TARS3: variants seen among roughly 807,000 people sequenced by gnomAD.
The protein encoded by TARS3 is threonine--tRNA ligase 2, cytoplasmic.
A neutral mutation model predicts 103.5 loss-of-function variants in TARS3; 94 were observed. That is an observed-to-expected ratio of 0.91 (90% CI 0.77 to 1.08). The LOEUF is 1.08. Ranked by LOEUF, TARS3 falls within the 50% of genes least tolerant of loss-of-function variation. TARS3 has a pLI of 0.00. For synonymous variants in TARS3, 416 were observed against 355.4 expected, an observed-to-expected ratio of 1.17 and a Z score of -1.92; for missense variants, 952 against 995.2, an observed-to-expected ratio of 0.96 and a Z score of 0.58.
At chr15:101,682,968 T>C (rs1898313825) in intron 12 of TARS3, among the ~76,000 whole-genome samples, 1 of 152,222 alleles carries the variant, frequency 6.6e-6, no homozygotes, top group African/African-American at 2.4e-5. Flanking sequence ...ACAGAATCTG[T>C]AGTGATGACA....
In TARS3 at chr15:101,671,679, C is replaced by G. The variant is rs1952438223; in HGVS notation, c.1858G>C (p.Gly620Arg). The G allele has an allele frequency of 6.2e-7, 1 of 1,613,926 alleles. No homozygotes were observed. The highest frequency in any genetic ancestry group is 1.7e-5 in the Admixed American group (1 of 59,992). The change falls in exon 14 of 19, where the codon GGC becomes CGC. Residue 620 changes from glycine (G) to arginine (R), a missense_variant. Gly to Arg is a moderately radical substitution (Grantham distance 125, BLOSUM62 -2). Coordinates refer to ENST00000335968, the MANE Select transcript of TARS3 (RefSeq NM_152334.3). ...KMNPGDGAFY[G>R]PKIDIKIKDA... ...GCATGTGGTCGACTCACTTTAGGGC[C>G]ATAAAATGCTCCATCTCCTGGGTTC...
At chr15:101,657,588 C>CA (rs1258063894) in intron 17 of TARS3, among the ~76,000 whole-genome samples, 197 bp downstream of exon 17, 1 of 152,160 alleles carries the variant, frequency 6.6e-6, no homozygotes, top group African/African-American at 2.4e-5. Flanking sequence ...ACTAATTTCT[C>CA]AAAAAACATT....
At chr15:101,694,890 G>C (rs1032013471) in intron 10 of TARS3, among the ~76,000 whole-genome samples, 4 of 152,138 alleles carry the variant, frequency 2.6e-5, no homozygotes, top group African/African-American at 7.2e-5. Flanking sequence ...CCAGAGGCTG[G>C]GGGAGGCAGG....
Position 101,653,641 on chromosome 15 carries a change from TC to T in TARS3, c.*940del, listed in dbSNP as rs2141374317. ...TTTGCCAACTGTTTCACTGTTCACA[TC>T]CCTCAGGAAGTTAACTAAATGATCA... On this transcript the variant is annotated 3_prime_UTR_variant, in exon 19 of 19. Transcript: ENST00000335968. 6.6e-6 allele frequency: 1 copy of T among 152,372 alleles called. No homozygotes were observed. Among genetic ancestry groups the T allele is most frequent in the African/African-American group, 2.4e-5 (1 of 41,596 alleles). The allele number at this position is 152,372 out of a possible 1,614,324, so 9.4% of individuals were successfully genotyped here. A position where few individuals can be genotyped will look rare whatever the true frequency, so the allele number is the denominator to read the frequency against.
At chr15:101,685,782 T>C (rs1596304463) in intron 11 of TARS3, 114 bp downstream of exon 11, 1 of 792,438 alleles carries the variant, frequency 1.3e-6, no homozygotes, top group African/African-American at 1.8e-5. Flanking sequence ...AAATTAGTAA[T>C]CACCACTCTT....
intron 10 of TARS3, among the ~76,000 whole-genome samples, chr15:101,688,939 T>C (rs565334334): frequency 1.3e-4 from 20 of 152,318 alleles, no homozygotes; most frequent in African/African-American, 4.3e-4. Context: ...GTCCTATGTC[T>C]GTGGCTTTTT....
intron 16 of TARS3, 46 bp from the exon 17 acceptor site, chr15:101,657,903 C>CTA: frequency 8.8e-7 from 1 of 1,140,502 alleles, no homozygotes; most frequent in South Asian, 1.5e-5. Flanking sequence ...GTAATAATGG[C>CTA]TACTTATTAC....
chr15:101,684,471 CTCCCCTTA>C (rs1392724344), intron 11 of TARS3, among the ~76,000 whole-genome samples: 2 of 152,142 alleles, frequency 1.3e-5, no homozygotes, highest in Non-Finnish European at 2.9e-5. Context: ...ATGCTGTTCC[CTCCCCTTA>C]TCCACACAGT....
chr15:101,661,578 TC>T, intron 16 of TARS3, 133 bp downstream of exon 16: 6 of 558,744 alleles, frequency 1.1e-5, no homozygotes, highest in Non-Finnish European at 1.8e-5. Flanking sequence ...AAAGGCCCTT[TC>T]TTTTGTTACT....
At chr15:101,674,206 A>T (rs913799990) in intron 13 of TARS3, among the ~76,000 whole-genome samples, 1 of 152,168 alleles carries the variant, frequency 6.6e-6, no homozygotes, top group Non-Finnish European at 1.5e-5. Context: ...CAAATCAACT[A>T]TGCAGTATCA....
chr15:101,661,990 C>G (rs1567322748), intron 15 of TARS3, among the ~76,000 whole-genome samples, 174 bp from the exon 16 acceptor site: 2 of 151,932 alleles, frequency 1.3e-5, no homozygotes, highest in Middle Eastern at 3.4e-3. Context: ...AATCTTTTTT[C>G]TTTTATTTTA....
intron 3 of TARS3, among the ~76,000 whole-genome samples, chr15:101,718,299 C>T (rs988854813): frequency 1.4e-5 from 2 of 146,786 alleles, no homozygotes; most frequent in Admixed American, 6.9e-5. Flanking sequence ...AACCGGAGGG[C>T]GGAGGTTGTG....
chr15:101,673,279 T>C (rs1321807256), intron 13 of TARS3, among the ~76,000 whole-genome samples: 1 of 152,132 alleles, frequency 6.6e-6, no homozygotes, highest in African/African-American at 2.4e-5. Context: ...TTCCAGCCTA[T>C]TCTCCCCATG....
chr15:101,722,328 T>C lies in TARS3; in HGVS notation c.369+765A>G, dbSNP rs949857403. 4.0e-5 allele frequency among the ~76,000 whole-genome samples: 6 copies of C among 151,776 alleles called. No individual in the cohort carries two copies. In the East Asian group the frequency reaches 1.2e-3, roughly 29 times the overall value. On this transcript the variant is annotated intron_variant, in intron 2 of 18. Coordinates refer to ENST00000335968, the MANE Select transcript of TARS3 (RefSeq NM_152334.3). ...AGTCACACATTACAGCACTTACTTG[T>C]ATACCATCGTACTCTGTTCTCTAGT...
In TARS3 at chr15:101,701,127, TG is replaced by T. The variant is rs748245886; in HGVS notation, c.1278del (p.Arg427GlufsTer64). 1.7e-5 allele frequency: 27 copies of T among 1,598,442 alleles called. No individual in the cohort carries two copies. The highest frequency in any genetic ancestry group is 2.1e-5 in the Non-Finnish European group (25 of 1,175,598). ...AGCGTATTATAAATGAAGGCTCCTC[TG>T]GGAAGGAAAAAACAGCTTCCAGGAC... The part of the protein sequence containing the change: ...DLSPGSCFFL[P>X]RGAFIYNTLT... On this transcript the variant is annotated frameshift_variant, in exon 10 of 19. Coordinates refer to ENST00000335968, the MANE Select transcript of TARS3 (RefSeq NM_152334.3). LOFTEE classifies it high-confidence loss of function.
At chr15:101,676,632 G>C (rs910690082) in intron 12 of TARS3, among the ~76,000 whole-genome samples, 1 of 151,834 alleles carries the variant, frequency 6.6e-6, no homozygotes, top group Non-Finnish European at 1.5e-5. Flanking sequence ...CCGAGTAGCT[G>C]GAACTACAGG....
At chr15:101,686,162 C>T in intron 10 of TARS3, 100 bp from the exon 11 acceptor site, 4 of 1,102,002 alleles carry the variant, frequency 3.6e-6, no homozygotes, top group Non-Finnish European at 2.6e-6. Flanking sequence ...GGGCTCATGT[C>T]CTATATTAAT....
At chr15:101,723,303 T>C in intron 1 of TARS3, 139 bp from the exon 2 acceptor site, 1 of 682,612 alleles carries the variant, frequency 1.5e-6, no homozygotes, top group South Asian at 1.7e-5. Context: ...CAGCTACAGC[T>C]CTCAGTGGGC....
At chr15:101,699,410 G>A in intron 10 of TARS3, 1 of 455,904 alleles carries the variant, frequency 2.2e-6, no homozygotes, top group South Asian at 1.5e-5. Context: ...CCCTGCTCCT[G>A]TTCATCAGCC....
Sources: allele counts gnomAD v4.1 joint callset (sites outside exome capture counted in the v4.1 genomes callset), GRCh38; gene constraint gnomAD v4.1.1; transcripts MANE v1.5; gene names NCBI Gene and HGNC (gene_info 2026-07-23, HGNC 2026-07-21).